The following SLC26A5 variants were observed in gnomAD, a reference collection of about 807,000 sequenced individuals.
SLC26A5 encodes the protein prestin.
In SLC26A5, 51 loss-of-function variants were observed where a neutral mutation model predicts 81.0. The ratio of observed to expected loss-of-function variants is 0.63; its 90% CI spans 0.50 to 0.80. The LOEUF is 0.80. Among genes scored for constraint, SLC26A5 ranks in the 30% least tolerant of loss-of-function variants. The pLI is 0.00. For missense variants in SLC26A5, 771 were observed against 905.8 expected (o/e 0.85, Z 1.91); for synonymous variants, 325 against 332.8 (o/e 0.98, Z 0.25).
At chr7:103,362,817 G>C (rs1820489538) in intron 19 of SLC26A5, 1 of 1,185,266 alleles carries the variant, frequency 8.4e-7, no homozygotes, top group African/African-American at 1.7e-5. Flanking sequence ...TTTTTTTGAG[G>C]CGGAGTTTCA....
chr7:103,429,641 TTAAC>T (rs1825926971), intron 2 of SLC26A5, among the ~76,000 whole-genome samples: 1 of 152,240 alleles, frequency 6.6e-6, no homozygotes, highest in East Asian at 1.9e-4. Context: ...TTTTCCCTTA[TTAAC>T]TATCATTGAT....
At chr7:103,378,656 A>G in intron 16 of SLC26A5, 103 bp from the exon 17 acceptor site, 1 of 1,006,296 alleles carries the variant, frequency 9.9e-7, no homozygotes, top group East Asian at 2.4e-5. Context: ...TTTCTGGGTC[A>G]GATTATCACC....
rs117753509 is a variant in SLC26A5, at chr7:103,387,572, T to C, written c.1514+1436A>G. ...TGTAACTATATGAGGTAGGAAGTAT[T>C]AGTCTCATTTTATAGATGCAGAAAC... On this transcript the variant is annotated intron_variant, in intron 14 of 19. Transcript: ENST00000306312. Among the ~76,000 whole-genome samples the C allele has an allele frequency of 4.5e-3, 678 of 152,286 alleles. 3 individuals carry two copies. Among genetic ancestry groups the C allele is most frequent in the Non-Finnish European group, 7.9e-3 (540 of 68,014 alleles).
chr7:103,422,807 C>T (rs1756835929), intron 2 of SLC26A5, among the ~76,000 whole-genome samples: 2 of 152,072 alleles, frequency 1.3e-5, no homozygotes, highest in African/African-American at 2.4e-5. Flanking sequence ...AGCCAGTATT[C>T]CCAAATGAAG....
chr7:103,380,770 CCACA>C (rs558376546), intron 14 of SLC26A5, among the ~76,000 whole-genome samples: 6 of 151,578 alleles, frequency 4.0e-5, no homozygotes, highest in Admixed American at 6.6e-5. Flanking sequence ...ACATCACATG[CCACA>C]CACACACATA....
chr7:103,416,602 A>G (rs1258936841), intron 4 of SLC26A5, among the ~76,000 whole-genome samples: 4 of 152,180 alleles, frequency 2.6e-5, no homozygotes, highest in Admixed American at 2.6e-4. Context: ...CCTGACTTCC[A>G]GCTTTCACAA....
At chr7:103,398,655 GAAACA>G (rs2116545713) in intron 8 of SLC26A5, among the ~76,000 whole-genome samples, 2 of 152,262 alleles carry the variant, frequency 1.3e-5, no homozygotes, top group Admixed American at 1.3e-4. Flanking sequence ...AGTTGCAAGA[GAAACA>G]AAACAAAAGG....
At position 103,420,875 on chromosome 7, in the gene SLC26A5, C is replaced by T. The variant is rs776309814; in HGVS notation, c.155G>A (p.Cys52Tyr). The T allele has an allele frequency of 1.0e-5, 16 of 1,607,860 alleles. 2 individuals are homozygous for T. The South Asian group carries it at 1.8e-4, about 18-fold the overall frequency. Residue 52 changes from cysteine to tyrosine, a missense_variant and splice_region_variant, in exon 4 of 20, where the codon TGT (cysteine) becomes TAT (tyrosine). By Grantham distance (194) the Cys-to-Tyr change is radical. Transcript: ENST00000306312. ...GATATTTCTTATTTTTTTAGGAGTA[C>T]ATCTGAAAGGACAAAGACAGACAGA... is the stretch of plus-strand genomic sequence containing the variant. ...IADKLKQAFT[C>Y]TPKKIRNIIY...
chr7:103,357,813 A>AC (rs145019047), intron 19 of SLC26A5, among the ~76,000 whole-genome samples: 1,826 of 151,450 alleles, frequency 0.012, 36 homozygotes, highest in African/African-American at 0.042. Context: ...TATGAACTCA[A>AC]CCTCCCACTT....
At chr7:103,419,457 T>C (rs1217791403) in intron 4 of SLC26A5, among the ~76,000 whole-genome samples, 3 of 152,166 alleles carry the variant, frequency 2.0e-5, no homozygotes, top group Non-Finnish European at 4.4e-5. Context: ...CCTTCACACA[T>C]GCTATTCCTT....
At chr7:103,389,495 T>A in intron 12 of SLC26A5, 71 bp from the exon 13 acceptor site, 1 of 1,118,594 alleles carries the variant, frequency 8.9e-7, no homozygotes, top group South Asian at 1.2e-5. Context: ...TTCCTCACTG[T>A]CCTCCTGCTG....
At chr7:103,436,626 C>T (rs761340282) in intron 2 of SLC26A5, among the ~76,000 whole-genome samples, 1 of 152,088 alleles carries the variant, frequency 6.6e-6, no homozygotes, top group Admixed American at 6.6e-5. Context: ...ATGTGCCAAG[C>T]CCAAAGTGGT....
In SLC26A5 at chr7:103,411,340, T is replaced by C. The variant is rs377426245; in HGVS notation, c.570+80A>G. On this transcript the variant is annotated intron_variant, in intron 6 of 19. Coordinates refer to ENST00000306312, the MANE Select transcript of SLC26A5 (RefSeq NM_198999.3). ...CTGGCTGACCCCATCCACCGTGTAG[T>C]AAGACCAGCCAAGAGCACTCAGTAG... is the stretch of plus-strand genomic sequence containing the variant. 3.3e-4 allele frequency: 513 copies of C among 1,561,660 alleles called. 7 individuals are homozygous for C. In the South Asian group the frequency reaches 5.7e-3, roughly 17 times the overall value.
chr7:103,353,075 G>A, intron 19 of SLC26A5: 1 of 744,928 alleles, frequency 1.3e-6, no homozygotes, highest in Non-Finnish European at 2.5e-6. Flanking sequence ...CAGAAATGCA[G>A]AATTTGTGAA....
chr7:103,353,129 C>T (rs1819820099), intron 19 of SLC26A5, among the ~76,000 whole-genome samples: 1 of 152,082 alleles, frequency 6.6e-6, no homozygotes, highest in Non-Finnish European at 1.5e-5. Flanking sequence ...CAGATAACCA[C>T]CGTAGAACAC....
intron 8 of SLC26A5, 112 bp downstream of exon 8, chr7:103,407,739 T>C (rs1824167691): frequency 1.6e-6 from 2 of 1,248,820 alleles, no homozygotes; most frequent in Non-Finnish European, 2.3e-6. Flanking sequence ...TGTAACCTTC[T>C]TTTGGCAGAA....
chr7:103,417,041 A>C (rs1042580452), intron 4 of SLC26A5, among the ~76,000 whole-genome samples: 10 of 152,160 alleles, frequency 6.6e-5, no homozygotes, highest in African/African-American at 2.4e-4. Flanking sequence ...GCCTCTCAGC[A>C]GTGTTCCACC....
intron 4 of SLC26A5, among the ~76,000 whole-genome samples, chr7:103,417,458 C>T (rs879766147): frequency 8.7e-5 from 13 of 150,254 alleles, no homozygotes; most frequent in Non-Finnish European, 1.5e-4. Flanking sequence ...AGATACTTTT[C>T]TATCTCTTCT....
chr7:103,433,648 G>A (rs1196818598), intron 2 of SLC26A5: 2 of 150,824 alleles, frequency 1.3e-5, no homozygotes, highest in African/African-American at 4.9e-5. Flanking sequence ...TCTTCTTAAA[G>A]TCATTCTTCT....
Sources: gnomAD v4.1 joint callset for allele counts (sites outside exome capture counted in the v4.1 genomes callset) on GRCh38, gnomAD v4.1.1 for gene constraint, MANE v1.5 for transcripts, NCBI Gene and HGNC (gene_info 2026-07-23, HGNC 2026-07-21) for gene names.